Variants in TMEM53 observed in about 807,000 individuals in gnomAD.
TMEM53 encodes the protein transmembrane protein 53.
TMEM53 carries 14 observed loss-of-function variants against 21.4 expected under a neutral mutation model. The ratio of observed to expected loss-of-function variants is 0.65; its 90% CI spans 0.43 to 1.02. TMEM53 has a LOEUF of 1.02. Among genes scored for constraint, TMEM53 ranks in the 50% least tolerant of loss-of-function variants. TMEM53 has a pLI of 0.00. For synonymous variants in TMEM53, 148 were observed against 157.4 expected (o/e 0.94, Z 0.45); for missense variants, 323 against 383.6 (o/e 0.84, Z 1.32).
chr1:44,654,401 C>G lies in TMEM53; in HGVS notation c.*158G>C. 1 of 805,448 alleles carries G rather than the reference C, an allele frequency of 1.2e-6. No individual in the cohort carries two copies. Among genetic ancestry groups the G allele is most frequent in the Non-Finnish European group, 2.0e-6 (1 of 512,638 alleles). The allele number at this position is 805,448 out of a possible 1,614,324, so 49.9% of individuals were successfully genotyped here. A position where few individuals can be genotyped will look rare whatever the true frequency, so the allele number is the denominator to read the frequency against. ...TAAGCAGACCACCAGCAGACAGAGG[C>G]CCCCAGGAGACAGGCCCATAGGAAT... On this transcript the variant is annotated 3_prime_UTR_variant, in exon 3 of 3. Coordinates refer to ENST00000372237, the MANE Select transcript of TMEM53 (RefSeq NM_024587.4). The surrounding 1 kb of genome is among the most constrained non-coding windows in gnomAD (Gnocchi z 7.0).
At chr1:44,668,207 C>T (rs193184623) in intron 1 of TMEM53, among the ~76,000 whole-genome samples, 12 of 152,146 alleles carry the variant, frequency 7.9e-5, no homozygotes, top group Admixed American at 7.9e-4. Context: ...CTTTGGGAGG[C>T]CGAGGTGGGC....
chr1:44,672,770 T>TGA (rs540376396), intron 1 of TMEM53, among the ~76,000 whole-genome samples: 1 of 141,944 alleles, frequency 7.0e-6, no homozygotes, highest in Non-Finnish European at 1.5e-5. Flanking sequence ...CTCCATCTCT[T>TGA]AAAAAAAAAA....
intron 1 of TMEM53, among the ~76,000 whole-genome samples, chr1:44,673,126 C>A (rs1645026225): frequency 6.6e-6 from 1 of 152,180 alleles, no homozygotes; most frequent in Non-Finnish European, 1.5e-5. Flanking sequence ...AAAACGTGTC[C>A]AAAGTATTTT....
At chr1:44,664,238 G>A (rs2148534270) in intron 1 of TMEM53, among the ~76,000 whole-genome samples, 1 of 151,486 alleles carries the variant, frequency 6.6e-6, no homozygotes, top group South Asian at 2.1e-4. Context: ...ATCACCTGAG[G>A]TCAGGAGTTC....
intron 1 of TMEM53, among the ~76,000 whole-genome samples, chr1:44,673,024 C>T (rs1463838567): frequency 6.6e-6 from 1 of 152,212 alleles, no homozygotes; most frequent in Non-Finnish European, 1.5e-5. Context: ...CGAGGCTGCC[C>T]TCCTGGCCGT....
intron 1 of TMEM53, among the ~76,000 whole-genome samples, chr1:44,669,797 A>T (rs1200887764): frequency 4.4e-5 from 6 of 135,172 alleles, no homozygotes; most frequent in African/African-American, 1.7e-4. Context: ...AAAGCATCCT[A>T]TTTTTTTTTT....
intron 1 of TMEM53, among the ~76,000 whole-genome samples, chr1:44,671,861 G>A (rs913651109): frequency 3.9e-5 from 6 of 152,198 alleles, no homozygotes; most frequent in Admixed American, 6.5e-5. Context: ...GCCAGGAGGC[G>A]GAGGTTGCAG....
In TMEM53 at chr1:44,654,676, C is replaced by T; in HGVS notation, c.717G>A (p.Arg239=). The T allele has an allele frequency of 6.2e-7, 1 of 1,614,172 alleles. No homozygotes were observed. Among genetic ancestry groups the T allele is most frequent in the East Asian group, 2.2e-5 (1 of 44,890 alleles). ...CGAAATCCACAGAACGCGCCAGGAC[C>T]CGGCGTGCCAGGCGTGCCTCCACCA... is the stretch of plus-strand genomic sequence containing the variant. ...ERMVEARLAR[R]VLARSVDFVS... is the part of the protein sequence containing the mutation. The change falls in exon 3 of 3, where the codon CGG becomes CGA. Residue 239 remains arginine, a synonymous_variant. Transcript: ENST00000372237. The surrounding 1 kb of genome is among the most constrained non-coding windows in gnomAD (Gnocchi z 7.0).
In TMEM53 at chr1:44,654,594, A is replaced by G; in HGVS notation, c.799T>C (p.Cys267Arg). The G allele has an allele frequency of 6.2e-7, 1 of 1,610,278 alleles. No homozygotes were observed. The highest frequency in any genetic ancestry group is 1.3e-5 in the African/African-American group (1 of 75,012). The change falls in exon 3 of 3, where the codon TGT becomes CGT. Residue 267 changes from cysteine to arginine, a missense_variant. By Grantham distance (180) the Cys-to-Arg change is radical. Around this residue, in one of 3 missense-constraint regions of TMEM53, gnomAD observed 269 missense variants for 334.5 expected, o/e 0.80. Transcript: ENST00000372237. The surrounding 1 kb of genome is among the most constrained non-coding windows in gnomAD (Gnocchi z 7.0). Reference sequence around the variant, plus strand: ...ACGCAGTTGCGCATGAAGTCGACACAGAGGCTTGTGTAGTAAGTAGGGTAG... The same window carrying G: ...ACGCAGTTGCGCATGAAGTCGACACGGAGGCTTGTGTAGTAAGTAGGGTAG... Reference protein sequence around the residue: ...RDYPTYYTSLCVDFMRNCVRC With the variant: ...RDYPTYYTSLRVDFMRNCVRC
At chr1:44,665,567 G>A (rs770721928) in intron 1 of TMEM53, among the ~76,000 whole-genome samples, 4 of 151,476 alleles carry the variant, frequency 2.6e-5, no homozygotes, top group East Asian at 1.9e-4. Flanking sequence ...CCCAGGAGGC[G>A]GAGGTTGCAG....
intron 2 of TMEM53, among the ~76,000 whole-genome samples, chr1:44,658,057 C>A (rs941472275): frequency 8.5e-5 from 13 of 152,104 alleles, no homozygotes; most frequent in African/African-American, 2.9e-4. Flanking sequence ...CTGCCCTGTA[C>A]AACGGCCCAT....
At position 44,672,770 on chromosome 1, in the gene TMEM53, T is replaced by TAAA. The variant is rs35956030; in HGVS notation, c.61+1558_61+1560dup. Among the ~76,000 whole-genome samples the TAAA allele has an allele frequency of 1.1e-3, 151 of 141,958 alleles. 2 individuals carry two copies. In the Middle Eastern group the frequency reaches 0.011, roughly 11 times the overall value. The allele number at this position is 141,958 out of a possible 152,430, so 93.1% of individuals were successfully genotyped here. On this transcript the variant is annotated intron_variant, in intron 1 of 2. Transcript: ENST00000372237. ...GGGCGACAGGGGAGACTCCATCTCT[T>TAAA]AAAAAAAAAAAAAGAAAGGGGGGCT...
intron 1 of TMEM53, among the ~76,000 whole-genome samples, chr1:44,667,683 C>T (rs544795436): frequency 2.2e-4 from 34 of 152,154 alleles, no homozygotes; most frequent in African/African-American, 7.7e-4. Context: ...GAGGCAATTT[C>T]TTTTTCATGA....
intron 1 of TMEM53, among the ~76,000 whole-genome samples, chr1:44,665,167 A>C (rs1644937656): frequency 6.7e-6 from 1 of 150,002 alleles, no homozygotes; most frequent in African/African-American, 2.5e-5. Flanking sequence ...ACACCACTGC[A>C]CTTAACACAC....
chr1:44,658,533 C>T (rs1231877996), intron 2 of TMEM53, among the ~76,000 whole-genome samples: 1 of 152,140 alleles, frequency 6.6e-6, no homozygotes, highest in Admixed American at 6.5e-5. Context: ...CCTCCAATCT[C>T]CCCGCTACTC....
In TMEM53 at chr1:44,654,408, G is replaced by T; in HGVS notation, c.*151C>A. The stretch of plus-strand genomic sequence containing the variant: ...ACCACCAGCAGACAGAGGCCCCCAG[G>T]AGACAGGCCCATAGGAATTTTCTAC... On this transcript the variant is annotated 3_prime_UTR_variant, in exon 3 of 3. Transcript: ENST00000372237. The surrounding 1 kb of genome is among the most constrained non-coding windows in gnomAD (Gnocchi z 7.0). 2.3e-6 allele frequency: 2 copies of T among 875,280 alleles called. No homozygotes were observed. Among genetic ancestry groups the T allele is most frequent in the Admixed American group, 2.5e-5 (1 of 39,380 alleles). The allele number at this position is 875,280 out of a possible 1,614,324, so 54.2% of individuals were successfully genotyped here. A position where few individuals can be genotyped will look rare whatever the true frequency, so the allele number is the denominator to read the frequency against.
At chr1:44,670,370 G>T (rs1409146719) in intron 1 of TMEM53, among the ~76,000 whole-genome samples, 2 of 152,086 alleles carry the variant, frequency 1.3e-5, no homozygotes, top group Admixed American at 1.3e-4. Flanking sequence ...CCCCTTCAGG[G>T]ATTTACTTCT....
rs1644829417 is a variant in TMEM53, at chr1:44,654,577, G to A, written c.816C>T (p.Arg272=). Residue 272 remains arginine, a synonymous_variant, in exon 3 of 3, where the codon CGC becomes CGT. Coordinates refer to ENST00000372237, the MANE Select transcript of TMEM53 (RefSeq NM_024587.4). The surrounding 1 kb of genome is among the most constrained non-coding windows in gnomAD (Gnocchi z 7.0). The part of the protein sequence containing the change: ...YYTSLCVDFM[R]NCVRC ...AATGGCCTCAGCAGCGGACGCAGTT[G>A]CGCATGAAGTCGACACAGAGGCTTG... 12 of 1,606,516 alleles carry A rather than the reference G, an allele frequency of 7.5e-6. No homozygotes were observed. The East Asian group carries it at 2.7e-4, about 36-fold the overall frequency.
intron 1 of TMEM53, among the ~76,000 whole-genome samples, chr1:44,671,603 G>A (rs1056478639): frequency 1.3e-5 from 2 of 151,874 alleles, no homozygotes; most frequent in Non-Finnish European, 2.9e-5. Context: ...CTCCATATAA[G>A]AAAATGAAAA....
Sources: gnomAD v4.1 joint callset for allele counts (sites outside exome capture counted in the v4.1 genomes callset) on GRCh38, gnomAD v4.1.1 for gene constraint, gnomAD v4.1.1 regional missense constraint, Gnocchi (gnomAD v3.1) non-coding constraint, MANE v1.5 for transcripts, NCBI Gene and HGNC (gene_info 2026-07-23, HGNC 2026-07-21) for gene names.